CNTN5: variants seen among roughly 807,000 people sequenced by gnomAD.
CNTN5 encodes contactin 5, also known as contactin-5.
A neutral mutation model predicts 129.1 loss-of-function variants in CNTN5; 77 were observed. The ratio of observed to expected loss-of-function variants is 0.60; its 90% CI spans 0.50 to 0.72. The LOEUF is 0.72. Ranked by LOEUF, CNTN5 falls within the 30% of genes least tolerant of loss-of-function variation. CNTN5 has a pLI of 0.00. For synonymous variants in CNTN5, 509 were observed against 465.6 expected (o/e 1.09, Z -1.20); for missense variants, 1,478 against 1,328.8 (o/e 1.11, Z -1.75).
At chr11:99,392,644 T>A (rs1941323195) in intron 2 of CNTN5, among the ~76,000 whole-genome samples, 1 of 151,838 alleles carries the variant, frequency 6.6e-6, no homozygotes, top group Non-Finnish European at 1.5e-5. Context: ...ATGATGACAG[T>A]GTGTTTTCTC....
chr11:99,890,291 A>G (rs1275632519), intron 6 of CNTN5, among the ~76,000 whole-genome samples: 3 of 152,206 alleles, frequency 2.0e-5, no homozygotes, highest in African/African-American at 7.2e-5. Context: ...AGAAAGTAAT[A>G]TTGAATTATA....
rs1431183873 is a variant in CNTN5, at chr11:99,142,284, A to G, written c.-210+121014A>G. Among the ~76,000 whole-genome samples the G allele has an allele frequency of 3.0e-5, 4 of 131,256 alleles. No homozygotes were observed. In the East Asian group the frequency reaches 9.7e-4, roughly 32 times the overall value. 86.1% of individuals were successfully genotyped at this position (131,256 alleles called of 152,430 possible). ...GGGTTGTGGCAGTGGGGTTCATGAT[A>G]GCATGCAGTGGAGTTGAGCTTGTGG... On this transcript the variant is annotated intron_variant, in intron 1 of 24. Transcript: ENST00000524871.
intron 9 of CNTN5, among the ~76,000 whole-genome samples, chr11:100,016,531 A>C (rs535813704): frequency 1.3e-5 from 2 of 152,020 alleles, no homozygotes; most frequent in South Asian, 4.1e-4. Flanking sequence ...CATTATATCT[A>C]GGCATTTTCT....
At chr11:100,194,544 G>T (rs1177708685) in intron 15 of CNTN5, among the ~76,000 whole-genome samples, 1 of 151,262 alleles carries the variant, frequency 6.6e-6, no homozygotes, top group Admixed American at 6.6e-5. Context: ...GCTTTAGTGA[G>T]CCCAAGTATT....
chr11:99,060,497 T>C (rs570847745), intron 1 of CNTN5, among the ~76,000 whole-genome samples: 84 of 152,252 alleles, frequency 5.5e-4, no homozygotes, highest in Non-Finnish European at 1.1e-3. Context: ...TTCTCATTAA[T>C]AATTAACTAG....
chr11:100,002,000 A>G (rs1418841106), intron 8 of CNTN5, 34 bp from the exon 9 acceptor site: 2 of 1,379,698 alleles, frequency 1.4e-6, no homozygotes, highest in Non-Finnish European at 2.0e-6. Flanking sequence ...TGTAACATTC[A>G]TTTGATGCTT....
intron 1 of CNTN5, among the ~76,000 whole-genome samples, chr11:99,298,991 A>G (rs527965096): frequency 6.6e-5 from 10 of 152,300 alleles, no homozygotes; most frequent in African/African-American, 2.4e-4. Context: ...AATGCTCCTG[A>G]CCAAAATCAG....
At chr11:99,731,554 A>T (rs889325674) in intron 3 of CNTN5, among the ~76,000 whole-genome samples, 1 of 152,176 alleles carries the variant, frequency 6.6e-6, no homozygotes. Context: ...TGGAGAGAGG[A>T]GGATAGCAGT....
chr11:99,390,071 G>A (rs1301464476), intron 2 of CNTN5, among the ~76,000 whole-genome samples: 1 of 151,974 alleles, frequency 6.6e-6, no homozygotes, highest in East Asian at 1.9e-4. Flanking sequence ...TGACATTGGT[G>A]AATGATTTAA....
At chr11:100,004,366 T>G (rs1783492672) in intron 9 of CNTN5, among the ~76,000 whole-genome samples, 1 of 152,140 alleles carries the variant, frequency 6.6e-6, no homozygotes, top group Non-Finnish European at 1.5e-5. Flanking sequence ...CCCTGTTCTT[T>G]CCATGGGGGC....
intron 1 of CNTN5, among the ~76,000 whole-genome samples, chr11:99,084,668 A>G (rs1865929523): frequency 6.6e-6 from 1 of 152,126 alleles, no homozygotes; most frequent in South Asian, 2.1e-4. Flanking sequence ...ACTGTCTCAG[A>G]CAATTTTTCT....
chr11:100,356,454 T>C lies in CNTN5; in HGVS notation c.*234T>C. 1 of 505,336 alleles carries C rather than the reference T, an allele frequency of 2.0e-6. No homozygotes were observed. Among genetic ancestry groups the C allele is most frequent in the Non-Finnish European group, 3.5e-6 (1 of 285,204 alleles). 31.3% of individuals were successfully genotyped at this position (505,336 alleles called of 1,614,324 possible). A position where few individuals can be genotyped will look rare whatever the true frequency, so the allele number is the denominator to read the frequency against. On this transcript the variant is annotated 3_prime_UTR_variant, in exon 25 of 25. Coordinates refer to ENST00000524871, the MANE Select transcript of CNTN5 (RefSeq NM_014361.4). ...TAGTCCAGTAAAAATATGCAGATTGTATGTAATGAATTTTTGTAAACAAAG... is the reference window on the plus strand; with the variant it reads ...TAGTCCAGTAAAAATATGCAGATTGCATGTAATGAATTTTTGTAAACAAAG...
In CNTN5 at chr11:99,753,119, C is replaced by CTGTTTTT. The variant is rs528319697; in HGVS notation, c.56-66424_56-66423insGTTTTTT. Among the ~76,000 whole-genome samples, 16 of 93,078 alleles carry CTGTTTTT rather than the reference C, an allele frequency of 1.7e-4. No individual in the cohort carries two copies. In the East Asian group the frequency reaches 1.9e-3, roughly 11 times the overall value. 61.1% of individuals were successfully genotyped at this position (93,078 alleles called of 152,430 possible). A position where few individuals can be genotyped will look rare whatever the true frequency, so the allele number is the denominator to read the frequency against. ...TTTATAACATTTTAAGCCATATTTG[C>CTGTTTTT]TTTTTTTTTTTTTTTTTTTTTGAGA... is the stretch of plus-strand genomic sequence containing the variant. On this transcript the variant is annotated intron_variant, in intron 3 of 24. Transcript: ENST00000524871.
intron 13 of CNTN5, among the ~76,000 whole-genome samples, chr11:100,126,503 T>C (rs780696867): frequency 2.0e-5 from 3 of 151,600 alleles, no homozygotes; most frequent in Admixed American, 1.3e-4. Flanking sequence ...CTCTTCTTGT[T>C]GAATTGAATC....
chr11:99,337,862 A>G (rs901395850), intron 2 of CNTN5, among the ~76,000 whole-genome samples: 4 of 3,034 alleles, frequency 1.3e-3, no homozygotes, highest in Non-Finnish European at 0.012. Flanking sequence ...TATGTTCTAT[A>G]AAAGTTTAAA....
chr11:99,190,602 G>T (rs1195104032), intron 1 of CNTN5, among the ~76,000 whole-genome samples: 4 of 151,216 alleles, frequency 2.6e-5, no homozygotes, highest in Non-Finnish European at 5.9e-5. Context: ...TTTTTTTAGT[G>T]TAGAGGTCTT....
At chr11:99,463,425 G>A (rs1053337282) in intron 2 of CNTN5, among the ~76,000 whole-genome samples, 6 of 117,422 alleles carry the variant, frequency 5.1e-5, no homozygotes, top group Non-Finnish European at 6.6e-5. Context: ...GCAACAGAGC[G>A]AGACTCTGTC....
chr11:99,271,883 C>G (rs973845518), intron 1 of CNTN5, among the ~76,000 whole-genome samples: 6 of 151,846 alleles, frequency 4.0e-5, no homozygotes, highest in African/African-American at 1.4e-4. Flanking sequence ...GTTTTACGAC[C>G]TACCTTCGGA....
chr11:99,964,845 A>G (rs1480438117), intron 8 of CNTN5, among the ~76,000 whole-genome samples: 1 of 152,040 alleles, frequency 6.6e-6, no homozygotes, highest in Non-Finnish European at 1.5e-5. Flanking sequence ...AGAGCCTGTT[A>G]TTGGTCTATT....
Sources: allele counts gnomAD v4.1 joint callset (sites outside exome capture counted in the v4.1 genomes callset), GRCh38; gene constraint gnomAD v4.1.1; transcripts MANE v1.5; gene names NCBI Gene and HGNC (gene_info 2026-07-23, HGNC 2026-07-21).